Variants in ARFGAP3 observed in about 807,000 individuals in gnomAD.
ARFGAP3 encodes ARF GTPase activating protein 3.
In ARFGAP3, 72 loss-of-function variants were observed where a neutral mutation model predicts 75.0. That is an observed-to-expected ratio of 0.96 (90% CI 0.79 to 1.17). ARFGAP3 has a LOEUF of 1.17. ARFGAP3 is among the 50% of genes most tolerant of loss of function. The pLI is 0.00. For missense variants in ARFGAP3, 620 were observed against 626.6 expected (o/e 0.99, Z 0.11); for synonymous variants, 221 against 217.9 (o/e 1.01, Z -0.13).
At chr22:42,808,960 T>C in intron 12 of ARFGAP3, 70 bp from the exon 13 acceptor site, 1 of 1,366,712 alleles carries the variant, frequency 7.3e-7, no homozygotes. Context: ...ATACTCATTT[T>C]ATTTTTTAAA....
chr22:42,798,898 G>A, intron 15 of ARFGAP3, 141 bp downstream of exon 15: 1 of 699,490 alleles, frequency 1.4e-6, no homozygotes, highest in Non-Finnish European at 2.5e-6. Context: ...TTTTCATAAT[G>A]TTCTGGGTTA....
intron 2 of ARFGAP3, among the ~76,000 whole-genome samples, chr22:42,844,647 C>T (rs891946965): frequency 3.3e-5 from 5 of 151,670 alleles, no homozygotes; most frequent in Non-Finnish European, 7.4e-5. Flanking sequence ...GTGATGTTTC[C>T]ACCTTGGCCT....
At chr22:42,837,680 T>C (rs1299786208) in intron 3 of ARFGAP3, among the ~76,000 whole-genome samples, 1 of 127,738 alleles carries the variant, frequency 7.8e-6, no homozygotes, top group African/African-American at 3.2e-5. Flanking sequence ...TACTTCTTTT[T>C]TTTTTTTTTT....
chr22:42,819,875 C>T (rs1187064510), intron 9 of ARFGAP3, among the ~76,000 whole-genome samples: 2 of 152,210 alleles, frequency 1.3e-5, no homozygotes, highest in African/African-American at 2.4e-5. Context: ...CATTAAGGCA[C>T]AGTGGTGTGG....
At chr22:42,829,395 A>C (rs527856133) in intron 6 of ARFGAP3, among the ~76,000 whole-genome samples, 1 of 152,228 alleles carries the variant, frequency 6.6e-6, no homozygotes, top group Non-Finnish European at 1.5e-5. Context: ...TCCAAGCAAA[A>C]CAAAAAGCAA....
intron 3 of ARFGAP3, among the ~76,000 whole-genome samples, chr22:42,840,164 C>T (rs897605862): frequency 6.6e-6 from 1 of 152,080 alleles, no homozygotes; most frequent in African/African-American, 2.4e-5. Flanking sequence ...TTCATGGGCT[C>T]AAGGCGATCT....
In ARFGAP3 at chr22:42,822,433, T is replaced by A. The variant is rs780586418; in HGVS notation, c.673-24A>T. 4 of 1,607,948 alleles carry A rather than the reference T, an allele frequency of 2.5e-6. No homozygotes were observed. The Admixed American group carries it at 5.1e-5, about 21-fold the overall frequency. On this transcript the variant is annotated intron_variant, in intron 8 of 15. Coordinates refer to ENST00000263245, the MANE Select transcript of ARFGAP3 (RefSeq NM_014570.5). ...AGCTAGAACATATATAAGACTATAG[T>A]CTACACGAGCTGTTTGAAAGCTTCT...
intron 15 of ARFGAP3, 68 bp from the exon 16 acceptor site, chr22:42,797,673 T>C: frequency 6.2e-7 from 1 of 1,613,688 alleles, no homozygotes; most frequent in South Asian, 1.1e-5. Context: ...ACGCCCTGAA[T>C]ATTCAGCATC....
At chr22:42,832,946 T>C (rs1311114442) in intron 5 of ARFGAP3, among the ~76,000 whole-genome samples, 1 of 151,148 alleles carries the variant, frequency 6.6e-6, no homozygotes, top group Admixed American at 6.6e-5. Context: ...GATCGCGCCA[T>C]TGCGCTACAG....
chr22:42,811,023 T>G (rs1372423468), intron 11 of ARFGAP3, 79 bp from the exon 12 acceptor site: 1 of 1,559,058 alleles, frequency 6.4e-7, no homozygotes, highest in Non-Finnish European at 8.7e-7. Context: ...TCCACAGATG[T>G]GGGGGATGCC....
chr22:42,803,518 G>A (rs1924972452), intron 14 of ARFGAP3, among the ~76,000 whole-genome samples: 1 of 152,200 alleles, frequency 6.6e-6, no homozygotes, highest in African/African-American at 2.4e-5. Context: ...GGGGGCAGCT[G>A]GGTTTTAAGC....
Position 42,847,573 on chromosome 22 carries a change from G to T in ARFGAP3, c.129C>A (p.Phe43Leu). 6.2e-7 allele frequency: 1 copy of T among 1,613,570 alleles called. No individual in the cohort carries two copies. Among genetic ancestry groups the T allele is most frequent in the Non-Finnish European group, 8.5e-7 (1 of 1,179,784 alleles). The stretch of plus-strand genomic sequence containing the variant: ...GGGACCCTGAGCAATCAATGCAAAG[G>T]AACACTCCATAGGTTATGCTTGCCC... ...PSWASITYGV[F>L]LCIDCSGSHR... Residue 43 changes from phenylalanine (F) to leucine (L), a missense_variant, in exon 2 of 16, where the codon TTC becomes TTA. Phe to Leu is a conservative substitution (Grantham distance 22). Coordinates refer to ENST00000263245, the MANE Select transcript of ARFGAP3 (RefSeq NM_014570.5).
chr22:42,854,445 T>C (rs750614975), intron 1 of ARFGAP3, among the ~76,000 whole-genome samples: 18 of 151,998 alleles, frequency 1.2e-4, no homozygotes, highest in Non-Finnish European at 2.6e-4. Context: ...GCCAATATGG[T>C]GAAACTCCAT....
chr22:42,846,038 CAAAAAAAA>C (rs60266541), intron 2 of ARFGAP3, among the ~76,000 whole-genome samples: 2 of 88,108 alleles, frequency 2.3e-5, no homozygotes, highest in Non-Finnish European at 4.4e-5. Flanking sequence ...AACTCCATCT[CAAAAAAAA>C]AAAAAAAAAA....
chr22:42,830,054 G>A (rs942256752), intron 6 of ARFGAP3, among the ~76,000 whole-genome samples: 1 of 152,164 alleles, frequency 6.6e-6, no homozygotes, highest in Non-Finnish European at 1.5e-5. Flanking sequence ...ACTGTTTGAT[G>A]GAAATCTCAG....
rs563157970 is a variant in ARFGAP3 at position 42,826,921 on chromosome 22, A to C, written c.625+19T>G. The C allele has an allele frequency of 5.8e-5, 93 of 1,606,936 alleles. 1 individual carries two copies. In the South Asian group the frequency reaches 9.9e-4, roughly 17 times the overall value. ...AGTCATACACTTTAAATCAGAATGT[A>C]GGATTTTAAGCATATTACCTAAAGT... On this transcript the variant is annotated intron_variant, in intron 7 of 15. Transcript: ENST00000263245.
chr22:42,849,560 C>CT (rs58141557), intron 1 of ARFGAP3, among the ~76,000 whole-genome samples: 4,567 of 127,932 alleles, frequency 0.036, 192 homozygotes, highest in African/African-American at 0.078. Context: ...TGCTTTATGG[C>CT]TTTTTTTTTT....
chr22:42,842,011 C>CTT (rs55825441), intron 2 of ARFGAP3, among the ~76,000 whole-genome samples: 46 of 91,232 alleles, frequency 5.0e-4, no homozygotes, highest in Non-Finnish European at 7.7e-4. Context: ...CCATGCCGGG[C>CTT]TTTTTTTTTT....
At chr22:42,807,038 A>T in intron 14 of ARFGAP3, 35 bp downstream of exon 14, 1 of 1,571,176 alleles carries the variant, frequency 6.4e-7, no homozygotes. Flanking sequence ...TACCGTAGAC[A>T]TGACAGAGAC....
Sources: allele counts gnomAD v4.1 joint callset (sites outside exome capture counted in the v4.1 genomes callset), GRCh38; gene constraint gnomAD v4.1.1; transcripts MANE v1.5; gene names NCBI Gene and HGNC (gene_info 2026-07-23, HGNC 2026-07-21).